RBFOX3: variants seen among roughly 807,000 people sequenced by gnomAD.
The protein encoded by RBFOX3 is RNA binding fox-1 homolog 3.
A neutral mutation model predicts 48.7 loss-of-function variants in RBFOX3; 17 were observed. The observed-to-expected ratio is 0.35, with a 90% CI of 0.24 to 0.52. The LOEUF is 0.52. Among genes scored for constraint, RBFOX3 ranks in the 20% least tolerant of loss-of-function variants. The pLI is 0.94. For missense variants in RBFOX3, 382 were observed against 497.5 expected, an observed-to-expected ratio of 0.77 and a Z score of 2.21; for synonymous variants, 212 against 209.5, an observed-to-expected ratio of 1.01 and a Z score of -0.10.
At chr17:79,131,099 CGT>C (rs1017985664) in intron 4 of RBFOX3, among the ~76,000 whole-genome samples, 4 of 151,740 alleles carry the variant, frequency 2.6e-5, no homozygotes, top group Non-Finnish European at 4.4e-5. Context: ...CTGTGTGCCC[CGT>C]GTGTGCACAT....
At chr17:79,498,778 C>G (rs1313804563) in intron 1 of RBFOX3, among the ~76,000 whole-genome samples, 1 of 151,262 alleles carries the variant, frequency 6.6e-6, no homozygotes, top group East Asian at 2.0e-4. Context: ...CATCCATACA[C>G]TCATCCATCC....
chr17:79,591,846 G>A (rs12949917), intron 1 of RBFOX3, among the ~76,000 whole-genome samples: 2 of 151,418 alleles, frequency 1.3e-5, no homozygotes, highest in Admixed American at 6.6e-5. Context: ...GTGTGGAGGG[G>A]TGTGCACGTG....
chr17:79,409,462 A>G (rs541623653), intron 2 of RBFOX3, among the ~76,000 whole-genome samples: 1 of 152,352 alleles, frequency 6.6e-6, no homozygotes, highest in African/African-American at 2.4e-5. Flanking sequence ...ACATCCAACA[A>G]TGCACAAGGG....
Position 79,443,691 on chromosome 17 carries a change from T to C in RBFOX3, c.-175+38763A>G, listed in dbSNP as rs1271851380. Among the ~76,000 whole-genome samples, 1 of 152,176 alleles carries C rather than the reference T, an allele frequency of 6.6e-6. No individual in the cohort carries two copies. Among genetic ancestry groups the C allele is most frequent in the Admixed American group, 6.5e-5 (1 of 15,278 alleles). On this transcript the variant is annotated intron_variant, in intron 2 of 14. Transcript: ENST00000693108. This position sits in a 1 kb window ranked among gnomAD's most constrained non-coding sequence, Gnocchi z 4.4. Reference sequence around the variant, plus strand: ...AGCCACCGCACCCTCTTGTTCACTGTCTCACATGTGCACACACTCGTTCTC... The same window carrying C: ...AGCCACCGCACCCTCTTGTTCACTGCCTCACATGTGCACACACTCGTTCTC...
chr17:79,395,216 G>A (rs370328904), intron 2 of RBFOX3, among the ~76,000 whole-genome samples: 7 of 152,336 alleles, frequency 4.6e-5, no homozygotes, highest in African/African-American at 1.7e-4. Flanking sequence ...AGCTGACACC[G>A]GACCCAGCAA....
chr17:79,107,125 G>C (rs936469338), intron 5 of RBFOX3, among the ~76,000 whole-genome samples: 8 of 152,214 alleles, frequency 5.3e-5, no homozygotes, highest in Non-Finnish European at 1.2e-4. Context: ...GAACCTCCAC[G>C]GTCTCTTAGC....
intron 12 of RBFOX3, 105 bp downstream of exon 12, chr17:79,096,548 G>A (rs954629800): frequency 2.6e-5 from 26 of 1,001,646 alleles, no homozygotes; most frequent in Non-Finnish European, 3.4e-5. Flanking sequence ...AGGGTGGGAT[G>A]GGATGGGATG....
chr17:79,620,113 A>C, the RBFOX3 span, among the ~76,000 whole-genome samples: 29 of 135,266 alleles, frequency 2.1e-4, no homozygotes, highest in African/African-American at 1.0e-3. Flanking sequence ...GCATGCACGC[A>C]TATGCACACA....
intron 1 of RBFOX3, among the ~76,000 whole-genome samples, chr17:79,515,364 C>T (rs2085102241): frequency 2.6e-5 from 4 of 152,150 alleles, no homozygotes; most frequent in Admixed American, 1.3e-4. Context: ...GCCACTCCCC[C>T]ATCTGACCCC....
At position 79,473,525 on chromosome 17, in the gene RBFOX3, C is replaced by T. The variant is rs1396895980; in HGVS notation, c.-175+8929G>A. 6.6e-6 allele frequency among the ~76,000 whole-genome samples: 1 copy of T among 152,242 alleles called. No homozygotes were observed. The highest frequency in any genetic ancestry group is 6.5e-5 in the Admixed American group (1 of 15,288). On this transcript the variant is annotated intron_variant, in intron 2 of 14. Coordinates refer to ENST00000693108, the MANE Select transcript of RBFOX3 (RefSeq NM_001350451.2). This position sits in a 1 kb window ranked among gnomAD's most constrained non-coding sequence, Gnocchi z 4.2. ...CATACTGTTCTGGACACTCCAGGCA[C>T]ACAGATGCCTCCCACAAGAAGTTGT...
intron 1 of RBFOX3, among the ~76,000 whole-genome samples, chr17:79,583,365 A>G (rs2093140369): frequency 6.6e-6 from 1 of 152,224 alleles, no homozygotes; most frequent in African/African-American, 2.4e-5. Context: ...CTGGGACCCC[A>G]CGGTGACTCA....
rs1023251232 is a variant in RBFOX3, at chr17:79,496,454, C to T, written c.-319-13856G>A. On this transcript the variant is annotated intron_variant, in intron 1 of 14. Transcript: ENST00000693108. ...AGGGAAATAACTCAAAACCATAACA[C>T]GCTTTAAAAAATACACTAGCCAGCA... is the stretch of plus-strand genomic sequence containing the variant. Among the ~76,000 whole-genome samples, 129 of 152,308 alleles carry T rather than the reference C, an allele frequency of 8.5e-4. No homozygotes were observed. In the South Asian group the frequency reaches 0.012, roughly 14 times the overall value.
At chr17:79,656,745 AGAAAGAAGGAAG>A in the RBFOX3 span, among the ~76,000 whole-genome samples, 15 of 79,894 alleles carry the variant, frequency 1.9e-4, 1 homozygote, top group South Asian at 5.2e-4. Context: ...AAAGAAAGAA[AGAAAGAAGGAAG>A]GAAGGAAGGA....
intron 3 of RBFOX3, among the ~76,000 whole-genome samples, chr17:79,307,448 C>A (rs933024373): frequency 6.6e-6 from 1 of 152,250 alleles, no homozygotes; most frequent in African/African-American, 2.4e-5. Flanking sequence ...TATCTACTTA[C>A]CTCCCTTGCT....
At chr17:79,110,061 CACTG>C (rs1361797877) in intron 5 of RBFOX3, among the ~76,000 whole-genome samples, 1 of 151,276 alleles carries the variant, frequency 6.6e-6, no homozygotes, top group African/African-American at 2.4e-5. Flanking sequence ...GGCCTTCCCA[CACTG>C]ACTGTAGCGG....
At chr17:79,257,195 G>A (rs2065017736) in intron 3 of RBFOX3, among the ~76,000 whole-genome samples, 1 of 152,090 alleles carries the variant, frequency 6.6e-6, no homozygotes, top group Non-Finnish European at 1.5e-5. Flanking sequence ...GGGCCTCCGG[G>A]GACTCCTGTG....
At chr17:79,190,038 T>C (rs917810517) in intron 4 of RBFOX3, among the ~76,000 whole-genome samples, 1 of 152,242 alleles carries the variant, frequency 6.6e-6, no homozygotes, top group African/African-American at 2.4e-5. Context: ...ACATCACTCT[T>C]GGTACCCCCA....
chr17:79,328,145 G>A (rs1360340640), intron 2 of RBFOX3, among the ~76,000 whole-genome samples: 1 of 152,258 alleles, frequency 6.6e-6, no homozygotes, highest in Non-Finnish European at 1.5e-5. Context: ...GCCCGTGGGT[G>A]CAAACACGGG....
At chr17:79,184,314 G>A (rs1332324062) in intron 4 of RBFOX3, among the ~76,000 whole-genome samples, 1 of 152,252 alleles carries the variant, frequency 6.6e-6, no homozygotes, top group African/African-American at 2.4e-5. Context: ...CACGGGCACC[G>A]GCCACAATGC....
Sources: gnomAD v4.1 joint callset for allele counts (sites outside exome capture counted in the v4.1 genomes callset) on GRCh38, gnomAD v4.1.1 for gene constraint, Gnocchi (gnomAD v3.1) non-coding constraint, MANE v1.5 for transcripts, NCBI Gene and HGNC (gene_info 2026-07-23, HGNC 2026-07-21) for gene names.